Variants in TTLL10 observed in about 807,000 individuals in gnomAD.
TTLL10 encodes the protein inactive polyglycylase TTLL10.
Under a neutral mutation model 69.0 loss-of-function variants are expected in TTLL10, and 61 were observed. That is an observed-to-expected ratio of 0.88 (90% CI 0.72 to 1.09). TTLL10 has a LOEUF of 1.09. Among genes scored for constraint, TTLL10 ranks in the 50% least tolerant of loss-of-function variants. The pLI is 0.00. For synonymous variants in TTLL10, 408 were observed against 393.3 expected (o/e 1.04, Z -0.44); for missense variants, 962 against 945.9 (o/e 1.02, Z -0.22).
At chr1:1,180,449 G>GGC in intron 6 of TTLL10, 34 bp from the exon 7 acceptor site, 5 of 1,505,844 alleles carry the variant, frequency 3.3e-6, no homozygotes, top group Non-Finnish European at 4.5e-6. Context: ...CCTTGCCTCG[G>GGC]CCCCCAGGTC....
At chr1:1,196,326 C>T (rs1405738418) in intron 13 of TTLL10, 5 of 429,244 alleles carry the variant, frequency 1.2e-5, no homozygotes, top group Admixed American at 3.7e-5. Context: ...ATTTGCTATC[C>T]GTCTCTTCTG....
chr1:1,179,361 C>A (rs1394340630), intron 4 of TTLL10, 28 bp downstream of exon 4: 3 of 1,542,548 alleles, frequency 1.9e-6, no homozygotes, highest in Non-Finnish European at 2.6e-6. Context: ...GGGTGGCCTC[C>A]TACCTCTCCA....
rs759721824 is a variant in TTLL10, at chr1:1,179,202, G to A, written c.-14G>A. The A allele has an allele frequency of 2.4e-5, 36 of 1,529,266 alleles. No individual in the cohort carries two copies. Among genetic ancestry groups the A allele is most frequent in the Non-Finnish European group, 3.0e-5 (34 of 1,136,196 alleles). The allele number at this position is 1,529,266 out of a possible 1,614,324, so 94.7% of individuals were successfully genotyped here. Reference sequence around the variant, plus strand: ...TCTTCCCTTCAGGGCCCTCGCCCGGGCACCCCCCGGCCAATGGACCACAGC... The same window carrying A: ...TCTTCCCTTCAGGGCCCTCGCCCGGACACCCCCCGGCCAATGGACCACAGC... On this transcript the variant is annotated 5_prime_UTR_variant, in exon 4 of 16. Transcript: ENST00000379289.
In TTLL10 at chr1:1,179,675, G is replaced by A. The variant is rs1352576068; in HGVS notation, c.137G>A (p.Arg46His). 2.3e-5 allele frequency: 35 copies of A among 1,550,864 alleles called. No individual in the cohort carries two copies. The highest frequency in any genetic ancestry group is 1.8e-4 in the South Asian group (15 of 84,066). ...ARVSGTIPAS[R>H]LHPAPASQPG... is the part of the protein sequence containing the mutation. ...CCTCCAGGGACCATCCCTGCGTCAC[G>A]TCTGCACCCAGCACCGGCCTCACAG... Residue 46 changes from arginine (R) to histidine (H), a missense_variant, in exon 5 of 16, where the codon CGT becomes CAT. Physicochemically the swap from Arg to His is conservative, Grantham distance 29 (BLOSUM62 0). Coordinates refer to ENST00000379289, the MANE Select transcript of TTLL10 (RefSeq NM_001130045.2).
At chr1:1,193,059 G>A (rs1389007252) in intron 13 of TTLL10, among the ~76,000 whole-genome samples, 1 of 152,234 alleles carries the variant, frequency 6.6e-6, no homozygotes, top group African/African-American at 2.4e-5. Flanking sequence ...GGGCACGGTG[G>A]CTCACGCCTG....
rs371183256 is a variant in TTLL10 at position 1,195,785 on chromosome 1, A to G, written c.1402-815A>G. 1.2e-3 allele frequency among the ~76,000 whole-genome samples: 175 copies of G among 151,908 alleles called. 1 individual carries two copies. The South Asian group carries it at 0.035, about 30-fold the overall frequency. ...CTCCCAAGTAGGTGGGACTACAGGC[A>G]TACACCACCACGCTTAGCTAATTTT... On this transcript the variant is annotated intron_variant, in intron 13 of 15. Transcript: ENST00000379289.
Position 1,182,369 on chromosome 1 carries a change from G to C in TTLL10, c.839G>C (p.Arg280Thr), listed in dbSNP as rs1466023440. Residue 280 changes from arginine (R) to threonine (T), a missense_variant, in exon 10 of 16, where the codon AGA (arginine) becomes ACA (threonine). Arg to Thr is a moderately conservative substitution (Grantham distance 71). Transcript: ENST00000379289. ...PGYLRPQRVL[R>T]MEEFFPETYR... is the part of the protein sequence containing the mutation. Reference sequence around the variant, plus strand: ...GCCTCCCTGCCCTGCAGGGTCCTGAGAATGGAAGAGTTTTTCCCAGAGACC... The same window carrying C: ...GCCTCCCTGCCCTGCAGGGTCCTGACAATGGAAGAGTTTTTCCCAGAGACC... The C allele has an allele frequency of 6.2e-7, 1 of 1,613,794 alleles. No homozygotes were observed. Among genetic ancestry groups the C allele is most frequent in the East Asian group, 2.2e-5 (1 of 44,886 alleles).
chr1:1,178,293 C>T (rs1191596495), intron 3 of TTLL10, among the ~76,000 whole-genome samples: 1 of 152,214 alleles, frequency 6.6e-6, no homozygotes, highest in African/African-American at 2.4e-5. Flanking sequence ...GGCACAGTGG[C>T]TCACACCTGT....
chr1:1,183,589 C>G (rs554418738), intron 11 of TTLL10, among the ~76,000 whole-genome samples: 3 of 152,346 alleles, frequency 2.0e-5, no homozygotes, highest in African/African-American at 7.2e-5. Context: ...GCCTGGCGCA[C>G]CCCCTCTGCC....
rs1200413524 is a variant in TTLL10 at position 1,182,975 on chromosome 1, C to T, written c.1016C>T (p.Thr339Ile). Residue 339 changes from threonine to isoleucine, a missense_variant, in exon 11 of 16, where the codon ACC becomes ATC. Thr to Ile is a moderately conservative substitution (Grantham distance 89). Transcript: ENST00000379289. ...GAAGTTGCCGCCCTGCAGGCCAAGACCCGGAGCATGGAGGACGACCCCATC... is the reference window on the plus strand; with the variant it reads ...GAAGTTGCCGCCCTGCAGGCCAAGATCCGGAGCATGGAGGACGACCCCATC... ...QEEVAALQAK[T>I]RSMEDDPIHH... The T allele has an allele frequency of 2.5e-6, 4 of 1,608,220 alleles. No homozygotes were observed. The South Asian group carries it at 3.3e-5, about 13-fold the overall frequency.
chr1:1,182,449 G>A lies in TTLL10; in HGVS notation c.916+3G>A, dbSNP rs539377316. Reference sequence around the variant, plus strand: ...GGCCTTTTTCACCTTGTTTGATGGTGAGACGCTGCTGGCCGGACACCAGGC... The same window carrying A: ...GGCCTTTTTCACCTTGTTTGATGGTAAGACGCTGCTGGCCGGACACCAGGC... On this transcript the variant is annotated splice_donor_region_variant and intron_variant, in intron 10 of 15. Transcript: ENST00000379289. 8.7e-6 allele frequency: 14 copies of A among 1,613,846 alleles called. No individual in the cohort carries two copies. In the South Asian group the frequency reaches 1.5e-4, roughly 18 times the overall value.
chr1:1,196,978 C>T, intron 14 of TTLL10, 115 bp from the exon 15 acceptor site: 1 of 1,039,684 alleles, frequency 9.6e-7, no homozygotes, highest in Non-Finnish European at 1.4e-6. Context: ...GGGAGCAAGG[C>T]TATAGGAAGG....
chr1:1,193,153 G>A (rs1176534989), intron 13 of TTLL10, among the ~76,000 whole-genome samples: 65 of 152,012 alleles, frequency 4.3e-4, no homozygotes, highest in African/African-American at 1.2e-4. Flanking sequence ...GTGAAACCCC[G>A]TCTCTACTAA....
chr1:1,179,364 C>T (rs1222220938), intron 4 of TTLL10, 31 bp downstream of exon 4: 2 of 1,539,458 alleles, frequency 1.3e-6, no homozygotes, highest in Non-Finnish European at 8.8e-7. Context: ...TGGCCTCCTA[C>T]CTCTCCAAGG....
chr1:1,183,124 G>T (rs552655548), intron 11 of TTLL10, 77 bp downstream of exon 11: 2 of 1,469,978 alleles, frequency 1.4e-6, no homozygotes, highest in Non-Finnish European at 9.1e-7. Context: ...CAGCAGGGCC[G>T]CCGAGGAGCC....
At chr1:1,180,940 ACCCCTGCCCCTGCGCCCG>A (rs1356540910) in intron 8 of TTLL10, 80 bp downstream of exon 8, 39 of 1,053,684 alleles carry the variant, frequency 3.7e-5, no homozygotes, top group Non-Finnish European at 4.3e-5. Context: ...CACCCGCCCC[ACCCCTGCCCCTGCGCCCG>A]CCCCTGCCCT....
At chr1:1,191,058 G>A (rs1647739298) in intron 13 of TTLL10, among the ~76,000 whole-genome samples, 1 of 152,210 alleles carries the variant, frequency 6.6e-6, no homozygotes, top group Admixed American at 6.5e-5. Context: ...TTGAACTCCT[G>A]ACCTCAGGTG....
In TTLL10 at chr1:1,193,394, ATGTC is replaced by A. The variant is rs1265788873; in HGVS notation, c.1402-3200_1402-3197del. ...TATGCTATTTTGTTATTTGTTTTCT[ATGTC>A]TGTCTTTTTTTGTTCCTCAGTTTCT... On this transcript the variant is annotated intron_variant, in intron 13 of 15. Coordinates refer to ENST00000379289, the MANE Select transcript of TTLL10 (RefSeq NM_001130045.2). Among the ~76,000 whole-genome samples the A allele has an allele frequency of 3.0e-5, 3 of 101,180 alleles. No homozygotes were observed. The Admixed American group carries it at 3.1e-4, about 10-fold the overall frequency. 66.4% of individuals were successfully genotyped at this position (101,180 alleles called of 152,430 possible). A position where few individuals can be genotyped will look rare whatever the true frequency, so the allele number is the denominator to read the frequency against.
Position 1,185,003 on chromosome 1 carries a change from T to C in TTLL10, c.1295T>C (p.Leu432Pro). 1.2e-6 allele frequency: 2 copies of C among 1,613,838 alleles called. No homozygotes were observed. The highest frequency in any genetic ancestry group is 2.2e-5 in the East Asian group (1 of 44,888). The change falls in exon 13 of 16, where the codon CTG (leucine) becomes CCG (proline). Residue 432 changes from leucine (L) to proline (P), a missense_variant. By Grantham distance (98) the Leu-to-Pro change is moderately conservative (BLOSUM62 -3). Transcript: ENST00000379289. This position sits in a 1 kb window ranked among gnomAD's most constrained non-coding sequence, Gnocchi z 6.1. ...MQKKSPLYML[L>P]KEHTVWSMEH... ...AAGAAGAGCCCTCTGTACATGCTGCTGAAGGAGCACACGGTGTGGAGCATG... is the reference window on the plus strand; with the variant it reads ...AAGAAGAGCCCTCTGTACATGCTGCCGAAGGAGCACACGGTGTGGAGCATG...
Sources: gnomAD v4.1 joint callset for allele counts (sites outside exome capture counted in the v4.1 genomes callset) on GRCh38, gnomAD v4.1.1 for gene constraint, Gnocchi (gnomAD v3.1) non-coding constraint, MANE v1.5 for transcripts, NCBI Gene and HGNC (gene_info 2026-07-23, HGNC 2026-07-21) for gene names.